Variants in RIT2 observed in about 807,000 individuals in gnomAD.
RIT2 encodes GTP-binding protein Rit2.
RIT2 carries 24 observed loss-of-function variants against 23.7 expected under a neutral mutation model. The observed-to-expected ratio is 1.01, with a 90% confidence interval of 0.73 to 1.43. The LOEUF (loss-of-function observed/expected upper bound fraction) is 1.43. RIT2 is among the 40% of genes most tolerant of loss of function. The probability of loss-of-function intolerance (pLI) is 0.00; values close to 1 mark genes in which losing one functional copy is unlikely to be tolerated. For missense variants in RIT2, 236 were observed against 266.9 expected, an observed-to-expected ratio of 0.88 and a Z score of 0.81; for synonymous variants, 107 against 91.1, an observed-to-expected ratio of 1.17 and a Z score of -0.99.
intron 3 of RIT2, among the ~76,000 whole-genome samples, chr18:42,959,560 C>T (rs1253951386): frequency 6.6e-6 from 1 of 152,172 alleles, no homozygotes; most frequent in East Asian, 1.9e-4. Context: ...TGTTAAAAGA[C>T]TTCCATTCAA....
intron 2 of RIT2, among the ~76,000 whole-genome samples, chr18:43,021,875 AC>A (rs1315786823): frequency 6.6e-6 from 1 of 152,066 alleles, no homozygotes; most frequent in Non-Finnish European, 1.5e-5. Context: ...AATACATACA[AC>A]CATTATGGAA....
intron 4 of RIT2, among the ~76,000 whole-genome samples, chr18:42,878,827 C>T (rs1445452493): frequency 2.7e-5 from 4 of 150,304 alleles, no homozygotes; most frequent in Admixed American, 6.7e-5. Context: ...CTTTCTGTAC[C>T]GCCCCCCGCC....
intron 4 of RIT2, among the ~76,000 whole-genome samples, chr18:42,783,539 G>GT (rs1913858590): frequency 7.7e-6 from 1 of 129,154 alleles, no homozygotes; most frequent in African/African-American, 4.0e-5. Flanking sequence ...AAACAAAAAT[G>GT]TTGATTTTTT....
chr18:42,989,937 T>C (rs563701622), intron 2 of RIT2, among the ~76,000 whole-genome samples: 3 of 152,110 alleles, frequency 2.0e-5, no homozygotes, highest in East Asian at 3.9e-4. Context: ...ACAAGTAAGA[T>C]AGATATATGT....
chr18:42,859,979 TA>T (rs35559948), intron 4 of RIT2, among the ~76,000 whole-genome samples: 3,709 of 148,820 alleles, frequency 0.025, 141 homozygotes, highest in African/African-American at 0.082. Context: ...TTCCTTGATT[TA>T]AAAAAAAAAA....
intron 4 of RIT2, among the ~76,000 whole-genome samples, chr18:42,794,902 T>TGA (rs1914121719): frequency 6.6e-6 from 1 of 152,224 alleles, no homozygotes; most frequent in Admixed American, 6.5e-5. Flanking sequence ...TTGACACTGG[T>TGA]GAGAGGCACA....
intron 4 of RIT2, among the ~76,000 whole-genome samples, chr18:42,887,981 T>C (rs1049012344): frequency 6.6e-6 from 1 of 152,000 alleles, no homozygotes; most frequent in African/African-American, 2.4e-5. Context: ...CAGTAAAAAA[T>C]CAGTGGCTGC....
chr18:43,093,017 A>G (rs1489599799), intron 1 of RIT2, among the ~76,000 whole-genome samples: 1 of 152,090 alleles, frequency 6.6e-6, no homozygotes, highest in Admixed American at 6.6e-5. Flanking sequence ...ATTTCTACAC[A>G]ATAGCTATCG....
chr18:43,084,339 G>C (rs1342067181), intron 1 of RIT2, among the ~76,000 whole-genome samples: 1 of 152,098 alleles, frequency 6.6e-6, no homozygotes, highest in Non-Finnish European at 1.5e-5. Flanking sequence ...ATTCCTCAAG[G>C]ATCTGGAACC....
intron 4 of RIT2, among the ~76,000 whole-genome samples, chr18:42,846,918 G>C (rs1301300039): frequency 6.6e-6 from 1 of 152,068 alleles, no homozygotes; most frequent in African/African-American, 2.4e-5. Context: ...CAGAGTGTTA[G>C]AACACTTGGT....
intron 1 of RIT2, among the ~76,000 whole-genome samples, chr18:43,054,634 AT>A (rs940382132): frequency 8.5e-5 from 13 of 152,060 alleles, no homozygotes; most frequent in African/African-American, 3.1e-4. Context: ...AAATCCTTAT[AT>A]GCTGTTTCAT....
At chr18:42,770,620 A>G (rs1427847481) in intron 4 of RIT2, among the ~76,000 whole-genome samples, 2 of 152,230 alleles carry the variant, frequency 1.3e-5, no homozygotes, top group Non-Finnish European at 2.9e-5. Flanking sequence ...CAAAAAGGAC[A>G]CAATTAATAT....
intron 3 of RIT2, among the ~76,000 whole-genome samples, chr18:42,939,717 A>G (rs751109873): frequency 1.3e-5 from 2 of 152,152 alleles, no homozygotes; most frequent in Non-Finnish European, 2.9e-5. Flanking sequence ...TAGTATTTAT[A>G]TCTAAAACCT....
chr18:42,944,674 G>T (rs1406424994), intron 3 of RIT2, among the ~76,000 whole-genome samples: 1 of 152,092 alleles, frequency 6.6e-6, no homozygotes, highest in Admixed American at 6.6e-5. Flanking sequence ...TTCCATTGTT[G>T]TTGTTGATGA....
In RIT2 at chr18:43,115,539, G is replaced by A. The variant is rs752653533; in HGVS notation, c.-20C>T. 1.3e-6 allele frequency: 2 copies of A among 1,597,894 alleles called. No homozygotes were observed. Among genetic ancestry groups the A allele is most frequent in the Admixed American group, 1.8e-5 (1 of 54,800 alleles). Reference sequence around the variant, plus strand: ...CTCCATCTTACCCGAGGGACCGGAGGAAAAAAAGAAGGAGAAAGTCACCCG... The same window carrying A: ...CTCCATCTTACCCGAGGGACCGGAGAAAAAAAAGAAGGAGAAAGTCACCCG... On this transcript the variant is annotated 5_prime_UTR_variant, in exon 1 of 5. Transcript: ENST00000326695.
intron 1 of RIT2, among the ~76,000 whole-genome samples, chr18:43,042,775 G>T (rs1598758837): frequency 6.6e-6 from 1 of 152,140 alleles, no homozygotes; most frequent in African/African-American, 2.4e-5. Context: ...TGTGGAGGAG[G>T]ACAGCCAGTG....
At chr18:42,972,250 G>A (rs1484683310) in intron 3 of RIT2, among the ~76,000 whole-genome samples, 1 of 151,806 alleles carries the variant, frequency 6.6e-6, no homozygotes. Flanking sequence ...TTTTTCCATT[G>A]TATATATTCC....
intron 1 of RIT2, among the ~76,000 whole-genome samples, chr18:43,069,752 T>C (rs1027138046): frequency 1.3e-5 from 2 of 152,138 alleles, no homozygotes; most frequent in African/African-American, 4.8e-5. Context: ...ATCTGTGACC[T>C]TATAACTTAT....
chr18:42,810,127 A>G (rs189818651), intron 4 of RIT2, among the ~76,000 whole-genome samples: 1 of 130,530 alleles, frequency 7.7e-6, no homozygotes, highest in Admixed American at 7.2e-5. Flanking sequence ...TGTATCAATT[A>G]AAAAAAATCC....
Sources: gnomAD v4.1 joint callset for allele counts (sites outside exome capture counted in the v4.1 genomes callset) on GRCh38, gnomAD v4.1.1 for gene constraint, MANE v1.5 for transcripts, NCBI Gene and HGNC (gene_info 2026-07-23, HGNC 2026-07-21) for gene names.